GAN: variants seen among roughly 807,000 people sequenced by gnomAD.
The protein encoded by GAN is gigaxonin.
GAN carries 48 observed loss-of-function variants against 71.3 expected under a neutral mutation model. The observed-to-expected ratio is 0.67, with a 90% CI of 0.53 to 0.86. The LOEUF (loss-of-function observed/expected upper bound fraction) is 0.86, where lower values mean the gene tolerates loss of function less well. GAN is among the 40% of genes least tolerant of loss of function. GAN has a pLI of 0.00. For missense variants in GAN, 928 were observed against 770.1 expected (o/e 1.21, Z -2.43); for synonymous variants, 386 against 276.8 (o/e 1.39, Z -3.92).
Position 81,379,394 on chromosome 16 carries a change from G to A in GAN, c.*1798G>A, listed in dbSNP as rs1904294408. The A allele has an allele frequency of 1.3e-5, 2 of 152,176 alleles. No homozygotes were observed. The highest frequency in any genetic ancestry group is 4.8e-5 in the African/African-American group (2 of 41,416). The allele number at this position is 152,176 out of a possible 1,614,324, so 9.4% of individuals were successfully genotyped here. A position where few individuals can be genotyped will look rare whatever the true frequency, so the allele number is the denominator to read the frequency against. ...GATACCTGATAAGAGAAGGTGTAAG[G>A]TTTTTATCTTATATGCCAGAGGCAC... is the stretch of plus-strand genomic sequence containing the variant. On this transcript the variant is annotated 3_prime_UTR_variant, in exon 11 of 11. Coordinates refer to ENST00000648994, the MANE Select transcript of GAN (RefSeq NM_022041.4).
intron 1 of GAN, among the ~76,000 whole-genome samples, chr16:81,330,677 CA>C (rs1408614249): frequency 5.9e-5 from 9 of 152,204 alleles, no homozygotes; most frequent in African/African-American, 2.2e-4. Context: ...CTGATGGCTA[CA>C]AAAAGGGTGA....
chr16:81,333,241 C>CA (rs34186926), intron 1 of GAN, among the ~76,000 whole-genome samples: 1,265 of 107,006 alleles, frequency 0.012, 15 homozygotes, highest in African/African-American at 0.036. Context: ...GACTCCATCT[C>CA]AAAAAAAAAA....
chr16:81,333,730 G>T (rs1368501989), intron 1 of GAN, among the ~76,000 whole-genome samples: 1 of 152,206 alleles, frequency 6.6e-6, no homozygotes, highest in African/African-American at 2.4e-5. Context: ...TCCATACTTA[G>T]TACCTAATAT....
intron 1 of GAN, among the ~76,000 whole-genome samples, chr16:81,323,133 T>G (rs1457946583): frequency 6.6e-6 from 1 of 152,184 alleles, no homozygotes; most frequent in African/African-American, 2.4e-5. Flanking sequence ...TTCCCACAAC[T>G]TCTAGCTTCT....
At chr16:81,341,925 A>G (rs1164302468) in intron 1 of GAN, among the ~76,000 whole-genome samples, 3 of 152,220 alleles carry the variant, frequency 2.0e-5, no homozygotes, top group Non-Finnish European at 4.4e-5. Flanking sequence ...CTCAAAATAA[A>G]GGGATGGAGG....
chr16:81,384,558 G>T lies in GAN; in HGVS notation c.*6962G>T, dbSNP rs1473631209. 1.7e-4 allele frequency: 26 copies of T among 152,074 alleles called. No homozygotes were observed. Among genetic ancestry groups the T allele is most frequent in the Admixed American group, 1.5e-3 (23 of 15,250 alleles). The allele number at this position is 152,074 out of a possible 1,614,324, so 9.4% of individuals were successfully genotyped here. The stretch of plus-strand genomic sequence containing the variant: ...CATCTGACCCAGTATTTGGGATTTG[G>T]GTGCTTGAGGATACTATTTTTTTCA... On this transcript the variant is annotated 3_prime_UTR_variant, in exon 11 of 11. Coordinates refer to ENST00000648994, the MANE Select transcript of GAN (RefSeq NM_022041.4).
chr16:81,327,542 C>T (rs1352420490), intron 1 of GAN, among the ~76,000 whole-genome samples: 1 of 151,502 alleles, frequency 6.6e-6, no homozygotes, highest in South Asian at 2.1e-4. Context: ...AGTACAAAGA[C>T]AATAATAAAT....
At chr16:81,315,346 G>C in intron 1 of GAN, 66 bp downstream of exon 1, 1 of 1,200,880 alleles carries the variant, frequency 8.3e-7, no homozygotes, top group Non-Finnish European at 1.1e-6. Context: ...GGGCGGCCGG[G>C]CCGGGCGTGG....
chr16:81,373,264 G>A (rs1911090893), intron 9 of GAN, among the ~76,000 whole-genome samples: 2 of 152,188 alleles, frequency 1.3e-5, no homozygotes, highest in Non-Finnish European at 2.9e-5. Context: ...GTGAGGGTAG[G>A]CCTGGACCTT....
intron 1 of GAN, among the ~76,000 whole-genome samples, chr16:81,340,008 C>T (rs1419839500): frequency 6.6e-6 from 1 of 152,192 alleles, no homozygotes; most frequent in African/African-American, 2.4e-5. Context: ...TGAAATGGTC[C>T]ATGCTCGTAT....
chr16:81,363,040 C>T (rs2150690500), intron 6 of GAN, among the ~76,000 whole-genome samples: 1 of 152,324 alleles, frequency 6.6e-6, no homozygotes, highest in South Asian at 2.1e-4. Flanking sequence ...GTCAGTATTT[C>T]ATTTTCAGCA....
chr16:81,348,843 A>G (rs1290007540), intron 1 of GAN, among the ~76,000 whole-genome samples: 1 of 152,218 alleles, frequency 6.6e-6, no homozygotes, highest in African/African-American at 2.4e-5. Context: ...CAAGTCCTCC[A>G]GAAGAGTCTT....
chr16:81,325,232 A>C (rs1909346280), intron 1 of GAN, among the ~76,000 whole-genome samples: 1 of 152,244 alleles, frequency 6.6e-6, no homozygotes, highest in Non-Finnish European at 1.5e-5. Flanking sequence ...ATAGAACAAA[A>C]GCTATTTTAA....
Position 81,355,605 on chromosome 16 carries a change from C to T in GAN, c.633+850C>T, listed in dbSNP as rs1380611657. ...CTCAAACTCCTGTGCTCAAGCAATC[C>T]TCCCACTCTAGCTTCCCAAAGTGCT... On this transcript the variant is annotated intron_variant, in intron 3 of 10. Coordinates refer to ENST00000648994, the MANE Select transcript of GAN (RefSeq NM_022041.4). Among the ~76,000 whole-genome samples, 5 of 152,176 alleles carry T rather than the reference C, an allele frequency of 3.3e-5. No homozygotes were observed. In the East Asian group the frequency reaches 9.6e-4, roughly 29 times the overall value.
intron 1 of GAN, among the ~76,000 whole-genome samples, chr16:81,334,999 A>G (rs1415150545): frequency 6.6e-6 from 1 of 152,138 alleles, no homozygotes; most frequent in South Asian, 2.1e-4. Flanking sequence ...GCGTCTTATT[A>G]GATGGTGATA....
At chr16:81,361,848 C>A in intron 5 of GAN, among the ~76,000 whole-genome samples, 1 of 152,162 alleles carries the variant, frequency 6.6e-6, no homozygotes, top group Non-Finnish European at 1.5e-5. Context: ...ACAAATACCA[C>A]AATGCCCGGC....
At chr16:81,326,465 G>A (rs539914400) in intron 1 of GAN, among the ~76,000 whole-genome samples, 14 of 152,296 alleles carry the variant, frequency 9.2e-5, no homozygotes, top group African/African-American at 2.4e-4. Flanking sequence ...CCCGGGAGGC[G>A]GAGGTTGCGA....
chr16:81,372,199 T>G (rs564930337), intron 9 of GAN, among the ~76,000 whole-genome samples: 26 of 152,256 alleles, frequency 1.7e-4, no homozygotes, highest in Non-Finnish European at 2.4e-4. Context: ...GGTGCATCAT[T>G]ATAGCCCCCA....
chr16:81,378,846 T>G lies in GAN; in HGVS notation c.*1250T>G, dbSNP rs61096092. On this transcript the variant is annotated 3_prime_UTR_variant, in exon 11 of 11. Transcript: ENST00000648994. ...CAACCCACTTTACCCCACTTCTCAT[T>G]GGGGGAAAAATGTCTTTCGTTCGTG... The G allele has an allele frequency of 0.049, 7,509 of 152,664 alleles. 322 individuals are homozygous for G. The highest frequency in any genetic ancestry group is 0.12 in the African/African-American group (4,975 of 41,514). 9.5% of individuals were successfully genotyped at this position (152,664 alleles called of 1,614,324 possible). A position where few individuals can be genotyped will look rare whatever the true frequency, so the allele number is the denominator to read the frequency against.
Sources: allele counts gnomAD v4.1 joint callset (sites outside exome capture counted in the v4.1 genomes callset), GRCh38; gene constraint gnomAD v4.1.1; transcripts MANE v1.5; gene names NCBI Gene and HGNC (gene_info 2026-07-23, HGNC 2026-07-21).